RBM46: variants seen among roughly 807,000 people sequenced by gnomAD.
The protein encoded by RBM46 is RNA binding motif protein 46, also known as probable RNA-binding protein 46.
In RBM46, 12 loss-of-function variants were observed where a neutral mutation model predicts 43.3. The observed-to-expected ratio is 0.28, with a 90% CI of 0.18 to 0.45. The LOEUF (loss-of-function observed/expected upper bound fraction) is 0.45. RBM46 is among the 20% of genes least tolerant of loss of function. The pLI is 1.00. For synonymous variants in RBM46, 205 were observed against 207.6 expected, an observed-to-expected ratio of 0.99 and a Z score of 0.11; for missense variants, 412 against 639.1, an observed-to-expected ratio of 0.64 and a Z score of 3.83.
Position 154,828,122 on chromosome 4 carries a change from G to C in RBM46, c.*55G>C, listed in dbSNP as rs1736055417. The C allele has an allele frequency of 1.5e-6, 2 of 1,308,948 alleles. No individual in the cohort carries two copies. The highest frequency in any genetic ancestry group is 4.6e-5 in the East Asian group (2 of 43,288). The allele number at this position is 1,308,948 out of a possible 1,614,324, so 81.1% of individuals were successfully genotyped here. On this transcript the variant is annotated 3_prime_UTR_variant, in exon 5 of 5. Transcript: ENST00000281722. ...GTGTAAATTTGTAGTATGAAAACTT[G>C]CAAATTAAAATATTGTTTTATTTTA...
intron 1 of RBM46, among the ~76,000 whole-genome samples, chr4:154,794,228 T>A (rs991161179): frequency 6.9e-6 from 1 of 145,930 alleles, no homozygotes; most frequent in Admixed American, 6.9e-5. Flanking sequence ...TGGCCCAGGC[T>A]GGACTGCAGT....
At chr4:154,824,666 GTGAATGGAAA>G (rs1735873600) in intron 4 of RBM46, among the ~76,000 whole-genome samples, 4 of 151,880 alleles carry the variant, frequency 2.6e-5, no homozygotes, top group Non-Finnish European at 5.9e-5. Context: ...GATTCTCTTT[GTGAATGGAAA>G]AAAAAAGCAT....
intron 4 of RBM46, among the ~76,000 whole-genome samples, chr4:154,826,161 AAG>A (rs1222097117): frequency 6.6e-6 from 1 of 151,174 alleles, no homozygotes; most frequent in Non-Finnish European, 1.5e-5. Flanking sequence ...AAAAAAAAAA[AAG>A]AAAAAAAAAA....
intron 4 of RBM46, among the ~76,000 whole-genome samples, chr4:154,821,071 G>A (rs776242292): frequency 1.3e-5 from 2 of 151,716 alleles, no homozygotes; most frequent in African/African-American, 2.4e-5. Flanking sequence ...TTATAAGTCT[G>A]TTATGTGGAT....
rs775772429 is a variant in RBM46, at chr4:154,799,023, C to T, written c.861C>T (p.Ala287=). 1.2e-6 allele frequency: 2 copies of T among 1,613,976 alleles called. No homozygotes were observed. The highest frequency in any genetic ancestry group is 1.7e-6 in the Non-Finnish European group (2 of 1,179,996). Residue 287 remains alanine, a synonymous_variant, in exon 4 of 5, where the codon GCC becomes GCT. Transcript: ENST00000281722. ...HFFNREDAVA[A]MSVMNGKCID... ...TCAACCGAGAAGATGCAGTGGCTGC[C>T]ATGTCTGTTATGAATGGAAAATGCA...
chr4:154,796,712 C>T, intron 1 of RBM46, 30 bp from the exon 2 acceptor site: 1 of 1,472,128 alleles, frequency 6.8e-7, no homozygotes, highest in Non-Finnish European at 9.3e-7. Flanking sequence ...CTGTTGTAAA[C>T]TTAACCAGTG....
intron 4 of RBM46, among the ~76,000 whole-genome samples, chr4:154,800,313 G>A (rs1734571355): frequency 6.6e-6 from 1 of 152,112 alleles, no homozygotes; most frequent in Non-Finnish European, 1.5e-5. Flanking sequence ...TAAAATCAGT[G>A]GGATTTCAGA....
At chr4:154,813,127 G>GT (rs1210886794) in intron 4 of RBM46, among the ~76,000 whole-genome samples, 2 of 152,006 alleles carry the variant, frequency 1.3e-5, no homozygotes, top group Non-Finnish European at 2.9e-5. Context: ...ATGCTATAAA[G>GT]TTAAAAGATA....
intron 4 of RBM46, among the ~76,000 whole-genome samples, chr4:154,816,793 T>C (rs1424258787): frequency 6.6e-6 from 1 of 152,110 alleles, no homozygotes; most frequent in African/African-American, 2.4e-5. Flanking sequence ...CACTAAGATA[T>C]GATGTGTGTT....
chr4:154,809,389 A>G (rs35769403), intron 4 of RBM46, among the ~76,000 whole-genome samples: 32,705 of 151,746 alleles, frequency 0.22, 4,118 homozygotes, highest in Middle Eastern at 0.31. Context: ...TTTAATCAGA[A>G]TTTTTCTGTA....
At chr4:154,820,287 A>C (rs1735664745) in intron 4 of RBM46, 1 of 902,862 alleles carries the variant, frequency 1.1e-6, no homozygotes, top group South Asian at 2.1e-5. Flanking sequence ...AAAGTTACCA[A>C]GGATTCCATG....
intron 1 of RBM46, chr4:154,781,849 A>C (rs896267777): frequency 1.3e-5 from 2 of 152,284 alleles, no homozygotes; most frequent in African/African-American, 4.8e-5. Flanking sequence ...CGACCGCTGC[A>C]GGCCCGGGCC....
chr4:154,796,344 T>G (rs1183159365), intron 1 of RBM46, among the ~76,000 whole-genome samples: 1 of 152,210 alleles, frequency 6.6e-6, no homozygotes, highest in African/African-American at 2.4e-5. Context: ...TCCAGTTGGC[T>G]TAGATGATAA....
intron 4 of RBM46, among the ~76,000 whole-genome samples, chr4:154,815,734 T>G (rs528717321): frequency 6.6e-6 from 1 of 152,180 alleles, no homozygotes; most frequent in East Asian, 1.9e-4. Flanking sequence ...CTCTATGACT[T>G]ACCTGTTTAT....
At position 154,828,204 on chromosome 4, in the gene RBM46, C is replaced by T; in HGVS notation, c.*137C>T. The T allele has an allele frequency of 3.1e-6, 2 of 647,780 alleles. No homozygotes were observed. The highest frequency in any genetic ancestry group is 5.4e-5 in the East Asian group (2 of 36,750). The allele number at this position is 647,780 out of a possible 1,614,324, so 40.1% of individuals were successfully genotyped here. On this transcript the variant is annotated 3_prime_UTR_variant, in exon 5 of 5. Coordinates refer to ENST00000281722, the MANE Select transcript of RBM46 (RefSeq NM_144979.5). ...GTATTTATTCCAAAGTACTAAACAT[C>T]AGCTATAATTCAGAATAACATGGAG...
intron 4 of RBM46, among the ~76,000 whole-genome samples, chr4:154,802,464 G>A (rs1342876480): frequency 6.6e-6 from 1 of 152,186 alleles, no homozygotes; most frequent in Non-Finnish European, 1.5e-5. Context: ...TAATGTTGGA[G>A]CCTCTGGGTT....
intron 4 of RBM46, among the ~76,000 whole-genome samples, chr4:154,806,045 C>G (rs1194712912): frequency 1.3e-5 from 2 of 151,722 alleles, no homozygotes; most frequent in Non-Finnish European, 1.5e-5. Context: ...TTCATATGAC[C>G]AAGTGGTGAC....
At chr4:154,783,998 C>A (rs1437697473) in intron 1 of RBM46, among the ~76,000 whole-genome samples, 1 of 152,106 alleles carries the variant, frequency 6.6e-6, no homozygotes, top group Non-Finnish European at 1.5e-5. Context: ...AAACAGAAAA[C>A]CTCCATTGAC....
chr4:154,792,292 T>C (rs967199881), intron 1 of RBM46, among the ~76,000 whole-genome samples: 2 of 152,226 alleles, frequency 1.3e-5, no homozygotes, highest in African/African-American at 4.8e-5. Context: ...CGTGTCATTA[T>C]ATGTGGTATT....
Sources: allele counts gnomAD v4.1 joint callset (sites outside exome capture counted in the v4.1 genomes callset), GRCh38; gene constraint gnomAD v4.1.1; transcripts MANE v1.5; gene names NCBI Gene and HGNC (gene_info 2026-07-23, HGNC 2026-07-21).